Variants in SPPL2A observed in about 807,000 individuals in gnomAD.
SPPL2A encodes the protein signal peptide peptidase-like 2A.
Under a neutral mutation model 63.8 loss-of-function variants are expected in SPPL2A, and 51 were observed. The ratio of observed to expected loss-of-function variants is 0.80; its 90% CI spans 0.64 to 1.01. The LOEUF (loss-of-function observed/expected upper bound fraction) is 1.01. SPPL2A is among the 50% of genes least tolerant of loss of function. The pLI is 0.00. For missense variants in SPPL2A, 553 were observed against 622.7 expected, an observed-to-expected ratio of 0.89 and a Z score of 1.19; for synonymous variants, 188 against 205.8, an observed-to-expected ratio of 0.91 and a Z score of 0.74.
intron 1 of SPPL2A, among the ~76,000 whole-genome samples, chr15:50,757,631 C>T (rs1430685462): frequency 1.3e-5 from 2 of 152,174 alleles, no homozygotes; most frequent in South Asian, 2.1e-4. Flanking sequence ...CTAGCCCATA[C>T]TGTGAAGTTC....
chr15:50,761,197 G>C (rs968505695), intron 1 of SPPL2A, among the ~76,000 whole-genome samples: 1 of 152,052 alleles, frequency 6.6e-6, no homozygotes, highest in African/African-American at 2.4e-5. Context: ...TTTTGTAGAG[G>C]TGGGGTCTTG....
chr15:50,749,463 T>C (rs1230223495), intron 2 of SPPL2A, among the ~76,000 whole-genome samples, 173 bp downstream of exon 2: 1 of 152,148 alleles, frequency 6.6e-6, no homozygotes, highest in African/African-American at 2.4e-5. Context: ...AATTTTTGTA[T>C]TTTTAGTAGA....
intron 11 of SPPL2A, chr15:50,725,993 T>C: frequency 1.0e-6 from 1 of 962,038 alleles, no homozygotes; most frequent in South Asian, 1.5e-5. Context: ...AATCTGGATT[T>C]TTTTTTCCCC....
At chr15:50,719,014 T>C (rs2062622608) in intron 14 of SPPL2A, among the ~76,000 whole-genome samples, 1 of 152,092 alleles carries the variant, frequency 6.6e-6, no homozygotes, top group African/African-American at 2.4e-5. Flanking sequence ...AGGCTAGGGT[T>C]TCCCAACTCT....
chr15:50,756,905 A>G (rs2062961795), intron 1 of SPPL2A, among the ~76,000 whole-genome samples: 1 of 152,038 alleles, frequency 6.6e-6, no homozygotes, highest in Non-Finnish European at 1.5e-5. Flanking sequence ...GTCCCTTCAC[A>G]CAGCTAGATC....
intron 1 of SPPL2A, among the ~76,000 whole-genome samples, chr15:50,752,472 C>T (rs1383956614): frequency 6.6e-6 from 1 of 152,114 alleles, no homozygotes; most frequent in Non-Finnish European, 1.5e-5. Context: ...CATTCCAGCA[C>T]CTCGGGAGGC....
At chr15:50,732,788 C>A in intron 8 of SPPL2A, 104 bp from the exon 9 acceptor site, 2 of 687,684 alleles carry the variant, frequency 2.9e-6, no homozygotes, top group Non-Finnish European at 2.5e-6. Flanking sequence ...TATGATTTGA[C>A]TATTCCTTTT....
At chr15:50,759,970 G>A (rs2062995292) in intron 1 of SPPL2A, among the ~76,000 whole-genome samples, 1 of 152,156 alleles carries the variant, frequency 6.6e-6, no homozygotes, top group African/African-American at 2.4e-5. Flanking sequence ...GAGCCAATGG[G>A]TTGTAGAAAT....
rs1030284977 is a variant in SPPL2A, at chr15:50,704,497, T to C, written c.*3303A>G. On this transcript the variant is annotated 3_prime_UTR_variant, in exon 15 of 15. Coordinates refer to ENST00000261854, the MANE Select transcript of SPPL2A (RefSeq NM_032802.4). ...AATTTGAGATAGTGATTTCTGTTGA[T>C]AAGCCACAAAAATGTTCAAAGGGAT... 3.3e-5 allele frequency: 5 copies of C among 151,754 alleles called. No individual in the cohort carries two copies. The highest frequency in any genetic ancestry group is 1.2e-4 in the African/African-American group (5 of 41,424). 9.4% of individuals were successfully genotyped at this position (151,754 alleles called of 1,614,324 possible). A position where few individuals can be genotyped will look rare whatever the true frequency, so the allele number is the denominator to read the frequency against.
intron 1 of SPPL2A, among the ~76,000 whole-genome samples, chr15:50,760,971 GA>G (rs200848140): frequency 1.3e-5 from 2 of 150,814 alleles, no homozygotes; most frequent in African/African-American, 2.4e-5. Flanking sequence ...ATTCTTTGAA[GA>G]AAAAAAAATC....
chr15:50,705,110 A>C lies in SPPL2A; in HGVS notation c.*2690T>G, dbSNP rs940682079. The C allele has an allele frequency of 1.3e-5, 2 of 152,170 alleles. No individual in the cohort carries two copies. The highest frequency in any genetic ancestry group is 4.8e-5 in the African/African-American group (2 of 41,454). The allele number at this position is 152,170 out of a possible 1,614,324, so 9.4% of individuals were successfully genotyped here. A position where few individuals can be genotyped will look rare whatever the true frequency, so the allele number is the denominator to read the frequency against. On this transcript the variant is annotated 3_prime_UTR_variant, in exon 15 of 15. Coordinates refer to ENST00000261854, the MANE Select transcript of SPPL2A (RefSeq NM_032802.4). ...GCAATCCCAGCACTTGGGGAGTCTG[A>C]GGCGGGCAGATCATGAGGTCAGGAG...
At chr15:50,744,511 G>A (rs897048001) in intron 5 of SPPL2A, among the ~76,000 whole-genome samples, 1 of 151,988 alleles carries the variant, frequency 6.6e-6, no homozygotes, top group Non-Finnish European at 1.5e-5. Context: ...TTTTTTCATT[G>A]AGAGTTATGA....
rs1357678422 is a variant in SPPL2A, at chr15:50,706,384, C to T, written c.*1416G>A. The T allele has an allele frequency of 5.7e-5, 6 of 105,658 alleles. No homozygotes were observed. The highest frequency in any genetic ancestry group is 2.6e-4 in the East Asian group (1 of 3,830). The allele number at this position is 105,658 out of a possible 1,614,324, so 6.5% of individuals were successfully genotyped here. ...CAGCCTGGGCGACAGAGCGAGACTCCGTCTCAAAAAAAAAAAAAAAAAAAA... is the reference window on the plus strand; with the variant it reads ...CAGCCTGGGCGACAGAGCGAGACTCTGTCTCAAAAAAAAAAAAAAAAAAAA... On this transcript the variant is annotated 3_prime_UTR_variant, in exon 15 of 15. Coordinates refer to ENST00000261854, the MANE Select transcript of SPPL2A (RefSeq NM_032802.4).
rs2062740633 is a variant in SPPL2A at position 50,732,766 on chromosome 15, T to C, written c.933-82A>G. On this transcript the variant is annotated intron_variant, in intron 8 of 14. Transcript: ENST00000261854. Reference sequence around the variant, plus strand: ...AAAGACATAGATCACTGAGGTAATATCATTTAATTGCTATGATTTGACTAT... The same window carrying C: ...AAAGACATAGATCACTGAGGTAATACCATTTAATTGCTATGATTTGACTAT... 16 of 793,874 alleles carry C rather than the reference T, an allele frequency of 2.0e-5. No homozygotes were observed. In the South Asian group the frequency reaches 2.1e-4, roughly 11 times the overall value. 49.2% of individuals were successfully genotyped at this position (793,874 alleles called of 1,614,324 possible).
At chr15:50,708,691 T>G (rs1242143546) in intron 14 of SPPL2A, among the ~76,000 whole-genome samples, 4 of 125,202 alleles carry the variant, frequency 3.2e-5, no homozygotes, top group East Asian at 2.3e-4. Flanking sequence ...GGCAACAGAG[T>G]GAGACTCTGT....
At position 50,761,070 on chromosome 15, in the gene SPPL2A, C is replaced by G. The variant is rs184139555; in HGVS notation, c.66+4398G>C. Among the ~76,000 whole-genome samples, 19 of 152,002 alleles carry G rather than the reference C, an allele frequency of 1.2e-4. No homozygotes were observed. The East Asian group carries it at 3.7e-3, about 29-fold the overall frequency. On this transcript the variant is annotated intron_variant, in intron 1 of 14. Coordinates refer to ENST00000261854, the MANE Select transcript of SPPL2A (RefSeq NM_032802.4). ...TGTCACCCAGGCTGGAGTACAGTGG[C>G]GTGATCATAGCTAACTGCAACCTCA... is the stretch of plus-strand genomic sequence containing the variant.
chr15:50,713,527 A>T (rs2062576571), intron 14 of SPPL2A, among the ~76,000 whole-genome samples: 1 of 151,766 alleles, frequency 6.6e-6, no homozygotes, highest in Admixed American at 6.6e-5. Flanking sequence ...AGCCTCCCAA[A>T]GTGCTGGGAT....
At chr15:50,740,440 A>AG (rs2062810697) in intron 5 of SPPL2A, among the ~76,000 whole-genome samples, 2 of 148,838 alleles carry the variant, frequency 1.3e-5, no homozygotes, top group African/African-American at 4.9e-5. Flanking sequence ...AAAAAAAAAA[A>AG]AAAAAGAAAA....
At chr15:50,741,359 TAAAAAA>T (rs78300811) in intron 5 of SPPL2A, among the ~76,000 whole-genome samples, 4 of 123,522 alleles carry the variant, frequency 3.2e-5, no homozygotes, top group Non-Finnish European at 1.8e-5. Context: ...ATTTTAAAAA[TAAAAAA>T]AAAAAAAAGA....
Sources: gnomAD v4.1 joint callset for allele counts (sites outside exome capture counted in the v4.1 genomes callset) on GRCh38, gnomAD v4.1.1 for gene constraint, MANE v1.5 for transcripts, NCBI Gene and HGNC (gene_info 2026-07-23, HGNC 2026-07-21) for gene names.